ANO3: variants seen among roughly 807,000 people sequenced by gnomAD.
ANO3 encodes the protein anoctamin-3.
In ANO3, 99 loss-of-function variants were observed where a neutral mutation model predicts 144.8. That is an observed-to-expected ratio of 0.68 (90% CI 0.58 to 0.81). The LOEUF (loss-of-function observed/expected upper bound fraction) is 0.81. Ranked by LOEUF, ANO3 falls within the 30% of genes least tolerant of loss-of-function variation. ANO3 has a pLI of 0.00. For synonymous variants in ANO3, 414 were observed against 392.6 expected (o/e 1.05, Z -0.64); for missense variants, 905 against 1,202.2 (o/e 0.75, Z 3.66).
At chr11:26,303,930 G>T (rs1854298251) in intron 1 of ANO3, among the ~76,000 whole-genome samples, 1 of 151,890 alleles carries the variant, frequency 6.6e-6, no homozygotes, top group South Asian at 2.1e-4. Flanking sequence ...ACTTTGGCGG[G>T]TCTCGATCTC....
chr11:26,341,864 A>G (rs1330272118), intron 1 of ANO3, among the ~76,000 whole-genome samples: 1 of 152,220 alleles, frequency 6.6e-6, no homozygotes, highest in African/African-American at 2.4e-5. Flanking sequence ...GGAAGCATCC[A>G]GCAAGGGAGA....
intron 1 of ANO3, among the ~76,000 whole-genome samples, chr11:26,279,439 G>A (rs1853629791): frequency 6.6e-6 from 1 of 152,082 alleles, no homozygotes; most frequent in Non-Finnish European, 1.5e-5. Context: ...TGCAAATCAT[G>A]TATATGAAAA....
At chr11:26,329,295 T>TACACACACACAC (rs201501181), upstream of ANO3, among the ~76,000 whole-genome samples, 35 of 145,010 alleles carry the variant, frequency 2.4e-4, no homozygotes, top group African/African-American at 6.0e-4. Flanking sequence ...TTTCTTTCTT[T>TACACACACACAC]ACACACACAC....
At chr11:26,385,559 A>G (rs1856701760) in intron 1 of ANO3, among the ~76,000 whole-genome samples, 1 of 152,042 alleles carries the variant, frequency 6.6e-6, no homozygotes, top group African/African-American at 2.4e-5. Context: ...AACGCAGTGT[A>G]GCATCCTCAA....
chr11:26,631,638 G>A (rs758200504), intron 18 of ANO3, among the ~76,000 whole-genome samples: 6 of 152,052 alleles, frequency 3.9e-5, no homozygotes, highest in Non-Finnish European at 8.8e-5. Flanking sequence ...TTAAAAAGCT[G>A]AAAAATGACT....
At chr11:26,640,428 A>T (rs997919270) in intron 21 of ANO3, among the ~76,000 whole-genome samples, 4 of 152,184 alleles carry the variant, frequency 2.6e-5, no homozygotes, top group Non-Finnish European at 5.9e-5. Context: ...AGCCCAGTTC[A>T]TTTGTGGTGT....
intron 1 of ANO3, among the ~76,000 whole-genome samples, chr11:26,259,093 A>G (rs1304303327): frequency 6.6e-6 from 1 of 152,192 alleles, no homozygotes; most frequent in Non-Finnish European, 1.5e-5. Flanking sequence ...CCAATGTTTT[A>G]TATTCCTCTG....
intron 1 of ANO3, among the ~76,000 whole-genome samples, chr11:26,386,651 T>A (rs1856742521): frequency 1.3e-5 from 2 of 152,192 alleles, no homozygotes; most frequent in Non-Finnish European, 2.9e-5. Context: ...GCCAAGAATG[T>A]AGGAGAAAAC....
At chr11:26,299,656 C>A (rs957851670) in intron 1 of ANO3, among the ~76,000 whole-genome samples, 3 of 151,818 alleles carry the variant, frequency 2.0e-5, no homozygotes, top group African/African-American at 7.3e-5. Context: ...TGATAATTAT[C>A]AACTAGAATG....
At chr11:26,325,339 A>C (rs1854858440) in intron 1 of ANO3, among the ~76,000 whole-genome samples, 1 of 152,196 alleles carries the variant, frequency 6.6e-6, no homozygotes, top group Non-Finnish European at 1.5e-5. Flanking sequence ...ACTGAAAAGA[A>C]AATACACAGC....
chr11:26,374,501 G>A (rs546732669), intron 1 of ANO3, among the ~76,000 whole-genome samples: 1 of 152,086 alleles, frequency 6.6e-6, no homozygotes, highest in South Asian at 2.1e-4. Context: ...ACATTAGGAG[G>A]GAACAAATAA....
intron 20 of ANO3, among the ~76,000 whole-genome samples, chr11:26,638,620 A>G (rs1853044359): frequency 6.6e-6 from 1 of 152,220 alleles, no homozygotes; most frequent in Admixed American, 6.5e-5. Context: ...ATTGTAATCT[A>G]CTAATATCAT....
chr11:26,438,610 A>AAAAAAAG (rs1858386662), intron 1 of ANO3, among the ~76,000 whole-genome samples: 25 of 73,846 alleles, frequency 3.4e-4, no homozygotes, highest in Non-Finnish European at 5.3e-4. Flanking sequence ...AAAAAAAAAG[A>AAAAAAAG]AAAAAAAAAA....
intron 1 of ANO3, among the ~76,000 whole-genome samples, chr11:26,245,018 T>TGTGC (rs1554928314): frequency 0.024 from 3,443 of 145,410 alleles, 102 homozygotes; most frequent in Middle Eastern, 0.035. Flanking sequence ...TGTGTGTGTG[T>TGTGC]GTGCATGCAT....
intron 23 of ANO3, 77 bp from the exon 24 acceptor site, chr11:26,647,632 A>G: frequency 7.1e-7 from 1 of 1,400,642 alleles, no homozygotes; most frequent in Non-Finnish European, 9.8e-7. Flanking sequence ...GTAAAACATT[A>G]TTTCCAAAAT....
intron 1 of ANO3, among the ~76,000 whole-genome samples, chr11:26,364,743 C>A (rs1447556214): frequency 6.6e-6 from 1 of 152,292 alleles, no homozygotes; most frequent in East Asian, 1.9e-4. Flanking sequence ...GAAATCCACC[C>A]CCGTGATCAA....
intron 24 of ANO3, among the ~76,000 whole-genome samples, chr11:26,652,841 C>T (rs1853575106): frequency 6.6e-6 from 1 of 152,224 alleles, no homozygotes; most frequent in Non-Finnish European, 1.5e-5. Context: ...ATGACTTTCA[C>T]ATTGTCAAAC....
At chr11:26,553,658 G>T (rs538869725) in intron 13 of ANO3, among the ~76,000 whole-genome samples, 1 of 152,138 alleles carries the variant, frequency 6.6e-6, no homozygotes, top group African/African-American at 2.4e-5. Flanking sequence ...TACTAAATGT[G>T]TACGTTACAT....
chr11:26,642,064 T>C (rs1853174003), intron 22 of ANO3, 35 bp downstream of exon 22: 1 of 1,588,972 alleles, frequency 6.3e-7, no homozygotes, highest in African/African-American at 1.4e-5. Flanking sequence ...TATTTGGCCT[T>C]CTTGATACAA....
Sources: allele counts gnomAD v4.1 joint callset (sites outside exome capture counted in the v4.1 genomes callset), GRCh38; gene constraint gnomAD v4.1.1; transcripts MANE v1.5; gene names NCBI Gene and HGNC (gene_info 2026-07-23, HGNC 2026-07-21).